The following PTK2 variants were observed in gnomAD, a reference collection of about 807,000 sequenced individuals.
PTK2 encodes the protein focal adhesion kinase 1.
In PTK2, 45 loss-of-function variants were observed where a neutral mutation model predicts 150.1. The observed-to-expected ratio is 0.30, with a 90% CI of 0.24 to 0.38. The LOEUF is 0.38. Ranked by LOEUF, PTK2 falls within the 10% of genes least tolerant of loss-of-function variation. The pLI is 1.00. For synonymous variants in PTK2, 432 were observed against 449.2 expected (o/e 0.96, Z 0.48); for missense variants, 919 against 1,307.3 (o/e 0.70, Z 4.58).
chr8:140,849,102 T>C (rs1428734425), intron 5 of PTK2, among the ~76,000 whole-genome samples: 2 of 152,164 alleles, frequency 1.3e-5, no homozygotes, highest in African/African-American at 4.8e-5. Flanking sequence ...GTTCTGAGAG[T>C]TGTTTTTCCT....
intron 1 of PTK2, among the ~76,000 whole-genome samples, chr8:140,998,690 G>A (rs1408939500): frequency 6.6e-6 from 1 of 151,838 alleles, no homozygotes; most frequent in Non-Finnish European, 1.5e-5. Flanking sequence ...GTGGTGGCGG[G>A]CGCCTGTAGT....
chr8:140,989,539 A>G (rs2100194833), intron 1 of PTK2, among the ~76,000 whole-genome samples: 1 of 151,986 alleles, frequency 6.6e-6, no homozygotes, highest in Admixed American at 6.6e-5. Context: ...TTAAAAAAAA[A>G]AAAAGAAGAC....
intron 2 of PTK2, among the ~76,000 whole-genome samples, chr8:140,912,732 G>A (rs1464357965): frequency 2.0e-5 from 3 of 152,022 alleles, no homozygotes; most frequent in Non-Finnish European, 4.4e-5. Flanking sequence ...AGGCCGAGGC[G>A]GGCGGATCAC....
intron 2 of PTK2, among the ~76,000 whole-genome samples, chr8:140,895,562 T>C (rs1393015400): frequency 2.6e-5 from 4 of 152,012 alleles, no homozygotes; most frequent in African/African-American, 7.2e-5. Context: ...AATTCATGTA[T>C]TAGAAGCGAA....
intron 2 of PTK2, among the ~76,000 whole-genome samples, chr8:140,897,406 AAT>A (rs1467626852): frequency 2.6e-5 from 4 of 152,142 alleles, no homozygotes; most frequent in East Asian, 1.9e-4. Context: ...TTTACACTTT[AAT>A]GTTTTATCTG....
intron 26 of PTK2, among the ~76,000 whole-genome samples, chr8:140,696,069 G>C (rs1429391593): frequency 6.6e-6 from 1 of 152,148 alleles, no homozygotes; most frequent in South Asian, 2.1e-4. Flanking sequence ...CTAACGTTTA[G>C]ATGCTTAACA....
chr8:140,961,217 T>G (rs1041267703), intron 1 of PTK2, among the ~76,000 whole-genome samples: 6 of 152,246 alleles, frequency 3.9e-5, no homozygotes, highest in Admixed American at 6.5e-5. Context: ...GCTAAGCTTA[T>G]GGATGGTATC....
chr8:140,724,490 T>A (rs2154327030), intron 22 of PTK2, among the ~76,000 whole-genome samples: 1 of 152,322 alleles, frequency 6.6e-6, no homozygotes, highest in East Asian at 1.9e-4. Flanking sequence ...AAAAACTTTT[T>A]AAAAAAGATT....
chr8:140,918,368 A>G (rs2100166131), intron 2 of PTK2, among the ~76,000 whole-genome samples: 1 of 152,198 alleles, frequency 6.6e-6, no homozygotes, highest in African/African-American at 2.4e-5. Flanking sequence ...ATAATGTAAA[A>G]ACTGGTATAA....
At chr8:140,787,785 C>G (rs922818109) in intron 14 of PTK2, among the ~76,000 whole-genome samples, 1 of 152,170 alleles carries the variant, frequency 6.6e-6, no homozygotes, top group Non-Finnish European at 1.5e-5. Context: ...GTGGCAAGCA[C>G]CAAAAGGGCA....
intron 14 of PTK2, among the ~76,000 whole-genome samples, chr8:140,785,466 T>G (rs1285455410): frequency 6.6e-6 from 1 of 152,216 alleles, no homozygotes; most frequent in East Asian, 1.9e-4. Flanking sequence ...TACAGTGCAC[T>G]ATAGAGCTCT....
In PTK2 at chr8:140,750,041, G is replaced by C. The variant is rs556252590; in HGVS notation, c.1417+2191C>G. Among the ~76,000 whole-genome samples, 5 of 152,342 alleles carry C rather than the reference G, an allele frequency of 3.3e-5. No homozygotes were observed. The South Asian group carries it at 8.3e-4, about 25-fold the overall frequency. On this transcript the variant is annotated intron_variant, in intron 17 of 31. Transcript: ENST00000522684. ...TAAGGCAGATATGGTGTTGGGTGATGATGACTGATGTGGTCTGTTTTCTTG... is the reference window on the plus strand; with the variant it reads ...TAAGGCAGATATGGTGTTGGGTGATCATGACTGATGTGGTCTGTTTTCTTG...
chr8:140,830,775 T>C (rs2100114903), intron 7 of PTK2, among the ~76,000 whole-genome samples: 1 of 152,254 alleles, frequency 6.6e-6, no homozygotes, highest in Non-Finnish European at 1.5e-5. Flanking sequence ...TTTTTTCTTT[T>C]TTTACCTTTA....
At chr8:140,703,159 T>C (rs548768709) in intron 24 of PTK2, among the ~76,000 whole-genome samples, 5 of 152,066 alleles carry the variant, frequency 3.3e-5, no homozygotes, top group Admixed American at 6.5e-5. Flanking sequence ...TCCCAGCTAA[T>C]TGGGAGGCTA....
chr8:140,861,678 T>C (rs1413384269), intron 5 of PTK2, among the ~76,000 whole-genome samples: 3 of 152,170 alleles, frequency 2.0e-5, no homozygotes, highest in African/African-American at 7.2e-5. Flanking sequence ...AACTTAACAG[T>C]CCTATACAAT....
intron 1 of PTK2, among the ~76,000 whole-genome samples, chr8:140,939,399 TG>T (rs1287113159): frequency 6.6e-6 from 1 of 152,218 alleles, no homozygotes; most frequent in Non-Finnish European, 1.5e-5. Flanking sequence ...CTCTATATAC[TG>T]CAAGTTCAGC....
intron 27 of PTK2, among the ~76,000 whole-genome samples, chr8:140,679,505 A>T (rs1476779923): frequency 6.6e-6 from 1 of 152,214 alleles, no homozygotes; most frequent in East Asian, 1.9e-4. Flanking sequence ...ACTCTGCTTC[A>T]GAAGTCTGAC....
intron 15 of PTK2, among the ~76,000 whole-genome samples, chr8:140,762,002 G>A (rs1305359527): frequency 6.6e-6 from 1 of 152,042 alleles, no homozygotes; most frequent in East Asian, 1.9e-4. Flanking sequence ...GAATGTAATA[G>A]ATTCAATTAT....
At chr8:140,756,464 G>T (rs549310589) in intron 16 of PTK2, among the ~76,000 whole-genome samples, 110 of 152,198 alleles carry the variant, frequency 7.2e-4, no homozygotes, top group African/African-American at 2.5e-3. Flanking sequence ...TCAGGAGGCC[G>T]AGATGGGCGG....
Sources: allele counts gnomAD v4.1 joint callset (sites outside exome capture counted in the v4.1 genomes callset), GRCh38; gene constraint gnomAD v4.1.1; transcripts MANE v1.5; gene names NCBI Gene and HGNC (gene_info 2026-07-23, HGNC 2026-07-21).